Variants in ARF1 observed in about 807,000 individuals in gnomAD.
ARF1 encodes ADP-ribosylation factor 1.
A neutral mutation model predicts 18.0 loss-of-function variants in ARF1; 1 was observed. The observed-to-expected ratio is 0.06, with a 90% CI of 0.02 to 0.26. ARF1 has a LOEUF of 0.26. Ranked by LOEUF, ARF1 falls within the 10% of genes least tolerant of loss-of-function variation. ARF1 has a pLI of 1.00. For missense variants in ARF1, 73 were observed against 247.2 expected, an observed-to-expected ratio of 0.30 and a Z score of 4.73; for synonymous variants, 112 against 96.3, an observed-to-expected ratio of 1.16 and a Z score of -0.95.
chr1:228,092,584 C>G (rs769499519), intron 1 of ARF1, among the ~76,000 whole-genome samples: 37 of 152,326 alleles, frequency 2.4e-4, no homozygotes, highest in South Asian at 6.2e-4. Flanking sequence ...TTGGAGGTGT[C>G]TCTGTCTTTC....
chr1:228,093,902 G>A (rs2032650364), intron 1 of ARF1, among the ~76,000 whole-genome samples: 1 of 148,084 alleles, frequency 6.8e-6, no homozygotes. Context: ...GTTGCAGTGA[G>A]CTGAGATCAA....
rs1326774230 is a variant in ARF1, at chr1:228,097,824, C to A, written c.385-28C>A. ...CCCCTTTCTCTGTCCTGTGGACAGC[C>A]CTTCCCACCAACCCTTCCTTCCCCC... is the stretch of plus-strand genomic sequence containing the variant. On this transcript the variant is annotated intron_variant, in intron 4 of 4. Transcript: ENST00000272102. This position sits in a 1 kb window ranked among gnomAD's most constrained non-coding sequence, Gnocchi z 8.1. 2 of 1,606,770 alleles carry A rather than the reference C, an allele frequency of 1.2e-6. No homozygotes were observed. Among genetic ancestry groups the A allele is most frequent in the African/African-American group, 2.7e-5 (2 of 74,864 alleles).
chr1:228,097,830 CA>C lies in ARF1; in HGVS notation c.385-21del. On this transcript the variant is annotated intron_variant, in intron 4 of 4. Transcript: ENST00000272102. The surrounding 1 kb of genome is among the most constrained non-coding windows in gnomAD (Gnocchi z 8.1). ...TCTCTGTCCTGTGGACAGCCCTTCC[CA>C]CCAACCCTTCCTTCCCCCAGGACCT... 6.2e-7 allele frequency: 1 copy of C among 1,609,236 alleles called. No homozygotes were observed.
chr1:228,097,223 C>T lies in ARF1; in HGVS notation c.109C>T (p.Leu37Phe). The change falls in exon 2 of 5, where the codon CTT (leucine) becomes TTT (phenylalanine). Residue 37 changes from leucine to phenylalanine, a missense_variant. Physicochemically the swap from Leu to Phe is conservative, Grantham distance 22. Transcript: ENST00000272102. The surrounding 1 kb of genome is among the most constrained non-coding windows in gnomAD (Gnocchi z 8.1). ...AGGGAAGACCACGATCCTCTACAAG[C>T]TTAAGCTGGGTGAGATCGTGACCAC... ...AAGKTTILYK[L>F]KLGEIVTTIP... 1 of 1,613,778 alleles carries T rather than the reference C, an allele frequency of 6.2e-7. No individual in the cohort carries two copies. Among genetic ancestry groups the T allele is most frequent in the Non-Finnish European group, 8.5e-7 (1 of 1,179,822 alleles).
chr1:228,092,917 G>A (rs2032618896), intron 1 of ARF1, among the ~76,000 whole-genome samples: 1 of 152,224 alleles, frequency 6.6e-6, no homozygotes, highest in Admixed American at 6.5e-5. Context: ...GTAGCTGCCA[G>A]AGTTGACTGT....
rs1448611129 is a variant in ARF1, at chr1:228,098,137, T to C, written c.*124T>C. The C allele has an allele frequency of 1.7e-6, 2 of 1,194,032 alleles. No individual in the cohort carries two copies. The highest frequency in any genetic ancestry group is 5.3e-5 in the East Asian group (2 of 37,584). 74.0% of individuals were successfully genotyped at this position (1,194,032 alleles called of 1,614,324 possible). On this transcript the variant is annotated 3_prime_UTR_variant, in exon 5 of 5. Transcript: ENST00000272102. ...TTTGGTCACCGTGTGCATCGCACCG[T>C]GCTGTAAATGTGGCAGACGCAGCCT...
At chr1:228,090,319 T>C (rs1198387932) in intron 1 of ARF1, among the ~76,000 whole-genome samples, 1 of 152,194 alleles carries the variant, frequency 6.6e-6, no homozygotes, top group African/African-American at 2.4e-5. Flanking sequence ...GTTGGGGTTC[T>C]GGTCAGAAGC....
At chr1:228,094,524 A>G (rs926180347) in intron 1 of ARF1, among the ~76,000 whole-genome samples, 1 of 152,068 alleles carries the variant, frequency 6.6e-6, no homozygotes, top group Admixed American at 6.6e-5. Flanking sequence ...GCCCAACCCC[A>G]TAATAAGAAT....
intron 1 of ARF1, among the ~76,000 whole-genome samples, chr1:228,093,370 G>GA (rs1047046860): frequency 1.8e-4 from 28 of 152,276 alleles, no homozygotes; most frequent in African/African-American, 6.5e-4. Context: ...ATCTGTCACA[G>GA]AAGCAGTAAA....
At position 228,085,603 on chromosome 1, in the gene ARF1, C is replaced by CA. The variant is rs376575102; in HGVS notation, c.-38+2839dup. ...GGGCTTGCAGCCGGTTGTCAGCCAACAGACTGGGAAGGGTGGTGCTTCTTA... is the reference window on the plus strand; with the variant it reads ...GGGCTTGCAGCCGGTTGTCAGCCAACAAGACTGGGAAGGGTGGTGCTTCTTA... On this transcript the variant is annotated intron_variant, in intron 1 of 4. Coordinates refer to ENST00000272102, the MANE Select transcript of ARF1 (RefSeq NM_001658.4). Among the ~76,000 whole-genome samples the CA allele has an allele frequency of 1.3e-3, 191 of 152,326 alleles. 1 individual carries two copies. Among genetic ancestry groups the CA allele is most frequent in the African/African-American group, 4.3e-3 (179 of 41,578 alleles).
rs1054671656 is a variant in ARF1 at position 228,099,004 on chromosome 1, TC to T, written c.*992del. ...TCGAAAAAGACAACCTCTACTTTTTTCTTTTGTATTTTGATAAACACTGAAG... is the reference window on the plus strand; with the variant it reads ...TCGAAAAAGACAACCTCTACTTTTTTTTTTGTATTTTGATAAACACTGAAG... On this transcript the variant is annotated 3_prime_UTR_variant, in exon 5 of 5. Transcript: ENST00000272102. The T allele has an allele frequency of 1.3e-5, 2 of 152,636 alleles. No individual in the cohort carries two copies. Among genetic ancestry groups the T allele is most frequent in the African/African-American group, 4.8e-5 (2 of 41,452 alleles). 9.5% of individuals were successfully genotyped at this position (152,636 alleles called of 1,614,324 possible). A position where few individuals can be genotyped will look rare whatever the true frequency, so the allele number is the denominator to read the frequency against.
At chr1:228,088,805 T>G (rs890694799) in intron 1 of ARF1, among the ~76,000 whole-genome samples, 2 of 152,188 alleles carry the variant, frequency 1.3e-5, no homozygotes, top group Non-Finnish European at 2.9e-5. Flanking sequence ...TGCATCATAG[T>G]TGGGACAGAG....
intron 1 of ARF1, chr1:228,090,797 T>C (rs1281553304): frequency 6.6e-6 from 1 of 152,302 alleles, no homozygotes; most frequent in African/African-American, 2.4e-5. Context: ...TTGTGCTCAG[T>C]GACAGACCAG....
In ARF1 at chr1:228,082,824, TG is replaced by T; in HGVS notation, c.-38+63del. ...CAGAGACGTTGGAGCCGGCGGGGGCTGGGGACTGGCCTCGGGGCGACTTGAG... is the reference window on the plus strand; with the variant it reads ...CAGAGACGTTGGAGCCGGCGGGGGCTGGGACTGGCCTCGGGGCGACTTGAG... On this transcript the variant is annotated intron_variant, in intron 1 of 4. Transcript: ENST00000272102. The surrounding 1 kb of genome is among the most constrained non-coding windows in gnomAD (Gnocchi z 6.1). 6.6e-6 allele frequency: 1 copy of T among 151,982 alleles called. No individual in the cohort carries two copies. Among genetic ancestry groups the T allele is most frequent in the Non-Finnish European group, 1.5e-5 (1 of 68,086 alleles). The allele number at this position is 151,982 out of a possible 1,614,324, so 9.4% of individuals were successfully genotyped here.
At chr1:228,086,698 C>T (rs2032414961) in intron 1 of ARF1, among the ~76,000 whole-genome samples, 1 of 152,176 alleles carries the variant, frequency 6.6e-6, no homozygotes, top group South Asian at 2.1e-4. Context: ...CCGCCCACTG[C>T]ATCTCTCCAT....
chr1:228,086,253 C>T (rs971486740), intron 1 of ARF1, among the ~76,000 whole-genome samples: 1 of 152,178 alleles, frequency 6.6e-6, no homozygotes, highest in African/African-American at 2.4e-5. Flanking sequence ...TAGTGCCTCA[C>T]GCCTGTAATC....
rs2032511001 is a variant in ARF1 at position 228,089,591 on chromosome 1, C to T, written c.-38+6826C>T. Among the ~76,000 whole-genome samples the T allele has an allele frequency of 6.6e-6, 1 of 152,226 alleles. No homozygotes were observed. Among genetic ancestry groups the T allele is most frequent in the Non-Finnish European group, 1.5e-5 (1 of 68,044 alleles). ...TTGAAGGCAGAAATCAAGTTTTAGG[C>T]ATTGGCTCAATCACTGGTGCAGCCA... On this transcript the variant is annotated intron_variant, in intron 1 of 4. Coordinates refer to ENST00000272102, the MANE Select transcript of ARF1 (RefSeq NM_001658.4). This position sits in a 1 kb window ranked among gnomAD's most constrained non-coding sequence, Gnocchi z 4.1.
intron 1 of ARF1, among the ~76,000 whole-genome samples, chr1:228,086,903 T>C (rs1029598984): frequency 1.4e-4 from 22 of 152,290 alleles, no homozygotes; most frequent in African/African-American, 4.1e-4. Flanking sequence ...AGTGTCAGAA[T>C]TGAACTGAAT....
In ARF1 at chr1:228,082,919, C is replaced by CGGGCCGGGCTGAGGCTG. The variant is rs2032258625; in HGVS notation, c.-38+160_-38+176dup. On this transcript the variant is annotated intron_variant, in intron 1 of 4. Transcript: ENST00000272102. This position sits in a 1 kb window ranked among gnomAD's most constrained non-coding sequence, Gnocchi z 6.1. ...GGGCCGGGCCGGGGGCGGACGCAGA[C>CGGGCCGGGCTGAGGCTG]GGGCCGGGCTGAGGCTGGGGCCCGG... 6.5e-6 allele frequency: 1 copy of CGGGCCGGGCTGAGGCTG among 152,694 alleles called. No individual in the cohort carries two copies. Among genetic ancestry groups the CGGGCCGGGCTGAGGCTG allele is most frequent in the Admixed American group, 6.6e-5 (1 of 15,250 alleles). The allele number at this position is 152,694 out of a possible 1,614,324, so 9.5% of individuals were successfully genotyped here.
Sources: allele counts gnomAD v4.1 joint callset (sites outside exome capture counted in the v4.1 genomes callset), GRCh38; gene constraint gnomAD v4.1.1; non-coding constraint Gnocchi (gnomAD v3.1); transcripts MANE v1.5; gene names NCBI Gene and HGNC (gene_info 2026-07-23, HGNC 2026-07-21).